ELP3: variants seen among roughly 807,000 people sequenced by gnomAD.
ELP3 encodes the protein elongator complex protein 3.
A neutral mutation model predicts 74.9 loss-of-function variants in ELP3; 56 were observed. The observed-to-expected ratio is 0.75, with a 90% confidence interval of 0.60 to 0.93. The LOEUF is 0.93. Among genes scored for constraint, ELP3 ranks in the 40% least tolerant of loss-of-function variants. The probability of loss-of-function intolerance (pLI) is 0.00; values close to 1 mark genes in which losing one functional copy is unlikely to be tolerated. For synonymous variants in ELP3, 222 were observed against 239.8 expected, an observed-to-expected ratio of 0.93 and a Z score of 0.68; for missense variants, 573 against 686.5, an observed-to-expected ratio of 0.83 and a Z score of 1.85.
chr8:28,148,681 G>A (rs550653185), intron 10 of ELP3, among the ~76,000 whole-genome samples: 5 of 152,204 alleles, frequency 3.3e-5, no homozygotes, highest in South Asian at 4.1e-4. Flanking sequence ...TTTCTGTATC[G>A]ACTAATATTG....
intron 14 of ELP3, among the ~76,000 whole-genome samples, chr8:28,173,382 T>C (rs1209844434): frequency 1.3e-5 from 2 of 151,990 alleles, no homozygotes; most frequent in African/African-American, 4.8e-5. Flanking sequence ...ATCTAACATG[T>C]TGGCGTACAG....
chr8:28,142,039 A>G (rs1813260252), intron 10 of ELP3, among the ~76,000 whole-genome samples: 1 of 152,244 alleles, frequency 6.6e-6, no homozygotes, highest in African/African-American at 2.4e-5. Context: ...AGACATTGCT[A>G]TACTATTAAA....
chr8:28,162,568 G>A (rs1814145312), intron 14 of ELP3, among the ~76,000 whole-genome samples: 1 of 152,164 alleles, frequency 6.6e-6, no homozygotes, highest in East Asian at 1.9e-4. Context: ...CCCTGTTTGG[G>A]AGTAAAAAAG....
At chr8:28,142,647 A>C (rs1033712785) in intron 10 of ELP3, among the ~76,000 whole-genome samples, 3 of 152,228 alleles carry the variant, frequency 2.0e-5, no homozygotes, top group African/African-American at 7.2e-5. Flanking sequence ...CAGTAAGGCC[A>C]TTGGTGAAGA....
intron 6 of ELP3, 26 bp downstream of exon 6, chr8:28,110,464 TA>T (rs1251593676): frequency 1.3e-6 from 2 of 1,573,264 alleles, no homozygotes; most frequent in Non-Finnish European, 8.7e-7. Context: ...ACATGTTTCT[TA>T]AAAATTAGGT....
chr8:28,139,127 C>T (rs539414165), intron 10 of ELP3, among the ~76,000 whole-genome samples: 149 of 152,018 alleles, frequency 9.8e-4, no homozygotes, highest in Admixed American at 2.2e-3. Flanking sequence ...CAGAATGTGG[C>T]GAAAAGGGCA....
At chr8:28,141,547 C>T (rs1813237521) in intron 10 of ELP3, among the ~76,000 whole-genome samples, 1 of 152,142 alleles carries the variant, frequency 6.6e-6, no homozygotes, top group South Asian at 2.1e-4. Context: ...GTGAAGCATC[C>T]ATGTTAACTT....
In ELP3 at chr8:28,160,234, A is replaced by AT. The variant is rs1450431359; in HGVS notation, c.1265dup (p.Leu422PhefsTer70). 1 of 1,610,412 alleles carries AT rather than the reference A, an allele frequency of 6.2e-7. No individual in the cohort carries two copies. Among genetic ancestry groups the AT allele is most frequent in the Admixed American group, 1.7e-5 (1 of 59,412 alleles). ...TGTGGCTTTTTACTAAATAGGTTGA[A>AT]TTGGTAAGGAGAGATTATGTTGCAA... is the stretch of plus-strand genomic sequence containing the variant. On this transcript the variant is annotated frameshift_variant, in exon 13 of 15. Coordinates refer to ENST00000256398, the MANE Select transcript of ELP3 (RefSeq NM_018091.6). LOFTEE classifies it high-confidence loss of function.
chr8:28,135,801 G>T (rs571603859), intron 9 of ELP3, among the ~76,000 whole-genome samples: 20 of 152,126 alleles, frequency 1.3e-4, no homozygotes, highest in Non-Finnish European at 2.9e-4. Flanking sequence ...TTTCGTTACT[G>T]TCTCCTTTTG....
chr8:28,133,428 C>CTTTT (rs34048650), intron 9 of ELP3, among the ~76,000 whole-genome samples: 8 of 135,560 alleles, frequency 5.9e-5, no homozygotes, highest in East Asian at 2.1e-4. Context: ...CTTTTTTTTC[C>CTTTT]TTTTTTTTTT....
rs540461945 is a variant in ELP3, at chr8:28,138,398, G to A, written c.1100+507G>A. On this transcript the variant is annotated intron_variant, in intron 10 of 14. Coordinates refer to ENST00000256398, the MANE Select transcript of ELP3 (RefSeq NM_018091.6). Reference sequence around the variant, plus strand: ...CTGCTTTCTTCCTAGAAAAGAGAAAGTAAGATCTCATTTACAATCAGGAAC... The same window carrying A: ...CTGCTTTCTTCCTAGAAAAGAGAAAATAAGATCTCATTTACAATCAGGAAC... Among the ~76,000 whole-genome samples, 5 of 152,318 alleles carry A rather than the reference G, an allele frequency of 3.3e-5. No individual in the cohort carries two copies. The East Asian group carries it at 9.6e-4, about 29-fold the overall frequency.
intron 10 of ELP3, 100 bp downstream of exon 10, chr8:28,137,991 C>G: frequency 3.5e-6 from 4 of 1,139,028 alleles, no homozygotes. Flanking sequence ...TTGGATTTTT[C>G]TTAATGGAAA....
intron 13 of ELP3, among the ~76,000 whole-genome samples, 160 bp from the exon 14 acceptor site, chr8:28,161,837 A>G (rs1380251092): frequency 6.6e-6 from 1 of 152,174 alleles, no homozygotes; most frequent in Non-Finnish European, 1.5e-5. Flanking sequence ...TACCTTTGGT[A>G]GGATTGAATG....
intron 12 of ELP3, among the ~76,000 whole-genome samples, chr8:28,159,170 T>C (rs1813966077): frequency 6.6e-6 from 1 of 152,178 alleles, no homozygotes; most frequent in African/African-American, 2.4e-5. Context: ...AAGGCATTCA[T>C]GGTATGTAAT....
chr8:28,122,903 C>G (rs779171548), intron 7 of ELP3, among the ~76,000 whole-genome samples: 10 of 152,182 alleles, frequency 6.6e-5, no homozygotes, highest in Admixed American at 1.3e-4. Context: ...GTGGGCGGAT[C>G]ACCTGAGGTC....
At chr8:28,128,638 C>T (rs1812675523) in intron 7 of ELP3, among the ~76,000 whole-genome samples, 1 of 152,180 alleles carries the variant, frequency 6.6e-6, no homozygotes, top group Non-Finnish European at 1.5e-5. Context: ...TGCCCTTGAA[C>T]ATGCTGTTTA....
intron 9 of ELP3, among the ~76,000 whole-genome samples, chr8:28,135,388 G>C (rs1184593507): frequency 6.6e-6 from 1 of 152,114 alleles, no homozygotes; most frequent in Non-Finnish European, 1.5e-5. Flanking sequence ...GAACTCTTAC[G>C]TAGAGCCATT....
At chr8:28,121,015 A>G (rs1379144777) in intron 7 of ELP3, among the ~76,000 whole-genome samples, 2 of 152,214 alleles carry the variant, frequency 1.3e-5, no homozygotes, top group Non-Finnish European at 2.9e-5. Context: ...TAGAAATTCT[A>G]GGTCCTTTGC....
chr8:28,117,399 C>A (rs1812181421), intron 7 of ELP3, among the ~76,000 whole-genome samples: 1 of 152,074 alleles, frequency 6.6e-6, no homozygotes, highest in Non-Finnish European at 1.5e-5. Context: ...GTTGTCTAGT[C>A]CAGCGAGCTC....
Sources: allele counts gnomAD v4.1 joint callset (sites outside exome capture counted in the v4.1 genomes callset), GRCh38; gene constraint gnomAD v4.1.1; transcripts MANE v1.5; gene names NCBI Gene and HGNC (gene_info 2026-07-23, HGNC 2026-07-21).